DHX38: variants seen among roughly 807,000 people sequenced by gnomAD.
DHX38 encodes the protein DEAH-box helicase 38, also known as pre-mRNA-splicing factor ATP-dependent RNA helicase PRP16.
Under a neutral mutation model 153.1 loss-of-function variants are expected in DHX38, and 100 were observed. The ratio of observed to expected loss-of-function variants is 0.65; its 90% CI spans 0.56 to 0.77. DHX38 has a LOEUF of 0.77. Ranked by LOEUF, DHX38 falls within the 30% of genes least tolerant of loss-of-function variation. The pLI is 0.00. For synonymous variants in DHX38, 650 were observed against 631.7 expected, an observed-to-expected ratio of 1.03 and a Z score of -0.43; for missense variants, 1,440 against 1,654.0, an observed-to-expected ratio of 0.87 and a Z score of 2.24.
At chr16:72,099,127 C>T in intron 6 of DHX38, 77 bp from the exon 7 acceptor site, 1 of 1,594,488 alleles carries the variant, frequency 6.3e-7, no homozygotes, top group Non-Finnish European at 8.6e-7. Context: ...TCTGGAGCTG[C>T]ATGGCCCTGC....
In DHX38 at chr16:72,099,690, T is replaced by C. The variant is rs765148055; in HGVS notation, c.961-42T>C. The stretch of plus-strand genomic sequence containing the variant: ...GTTGGCCATGTCTCGTGCATAAACT[T>C]GATCTGTCCCTCACTCCCTTGCTTT... On this transcript the variant is annotated intron_variant, in intron 7 of 26. Coordinates refer to ENST00000268482, the MANE Select transcript of DHX38 (RefSeq NM_014003.4). 1.9e-6 allele frequency: 3 copies of C among 1,609,450 alleles called. No individual in the cohort carries two copies. In the Admixed American group the frequency reaches 5.0e-5, roughly 27 times the overall value.
chr16:72,110,965 C>A lies in DHX38; in HGVS notation c.3487C>A (p.Arg1163Ser). The A allele has an allele frequency of 6.3e-7, 1 of 1,587,640 alleles. No individual in the cohort carries two copies. The highest frequency in any genetic ancestry group is 1.1e-5 in the South Asian group (1 of 87,052). ...TGTCCCTCTTCAATAGGAGAACCGT[C>A]GTCGGGCCAAAGAGGAAGCCTCTGC... is the stretch of plus-strand genomic sequence containing the variant. ...QAGKSRQENR[R>S]RAKEEASAME... The change falls in exon 26 of 27, where the codon CGT becomes AGT. Residue 1163 changes from arginine (R) to serine (S), a missense_variant. Physicochemically the swap from Arg to Ser is moderately radical, Grantham distance 110. Transcript: ENST00000268482.
intron 7 of DHX38, 26 bp from the exon 8 acceptor site, chr16:72,099,706 C>G (rs1269931617): frequency 7.4e-6 from 12 of 1,613,202 alleles, no homozygotes; most frequent in Non-Finnish European, 1.0e-5. Flanking sequence ...GTCCCTCACT[C>G]CCTTGCTTTG....
chr16:72,104,057 T>C lies in DHX38; in HGVS notation c.1936T>C (p.Tyr646His). The C allele has an allele frequency of 6.2e-7, 1 of 1,614,194 alleles. No homozygotes were observed. The highest frequency in any genetic ancestry group is 1.1e-5 in the South Asian group (1 of 91,080). ...ESLREADLDH[Y>H]SAIIMDEAHE... ...CCTCCGGGAAGCCGACCTGGATCAC[T>C]ACAGTGCCATCATCATGGACGAGGC... The change falls in exon 14 of 27, where the codon TAC (tyrosine) becomes CAC (histidine). Residue 646 changes from tyrosine to histidine, a missense_variant. Transcript: ENST00000268482. This position sits in a 1 kb window ranked among gnomAD's most constrained non-coding sequence, Gnocchi z 4.5.
chr16:72,110,312 C>T (rs1371999524), intron 25 of DHX38, among the ~76,000 whole-genome samples: 1 of 152,240 alleles, frequency 6.6e-6, no homozygotes, highest in Admixed American at 6.5e-5. Flanking sequence ...CAATTAGATC[C>T]CGGCTGAGCT....
Position 72,109,515 on chromosome 16 carries a change from G to A in DHX38, c.3477+5G>A, listed in dbSNP as rs17666927. 29,196 of 1,610,152 alleles carry A rather than the reference G, an allele frequency of 0.018. 324 individuals are homozygous for A. Among genetic ancestry groups the A allele is most frequent in the Non-Finnish European group, 0.022 (26,226 of 1,178,480 alleles). ...CAGGCGGGCAAGTCACGGCAGGTGA[G>A]GATTCTGTGCTCTTCGCAGGGGTGC... On this transcript the variant is annotated splice_donor_5th_base_variant and intron_variant, in intron 25 of 26. Coordinates refer to ENST00000268482, the MANE Select transcript of DHX38 (RefSeq NM_014003.4).
Position 72,099,742 on chromosome 16 carries a change from G to A in DHX38, c.971G>A (p.Arg324Gln), listed in dbSNP as rs766053952. 1.2e-6 allele frequency: 2 copies of A among 1,614,098 alleles called. No individual in the cohort carries two copies. The highest frequency in any genetic ancestry group is 1.7e-5 in the Admixed American group (1 of 60,016). The change falls in exon 8 of 27, where the codon CGG becomes CAG. Residue 324 changes from arginine (R) to glutamine (Q), a missense_variant. Physicochemically the swap from Arg to Gln is conservative, Grantham distance 43. Around this residue, in one of 6 missense-constraint regions of DHX38, gnomAD observed 483 missense variants for 465.1 expected, o/e 1.04. Transcript: ENST00000268482. ...CCTCCTGCCCTGCAGCAAGCCGATC[G>A]GGATTGGTACATGATGGACGAGGGC... is the stretch of plus-strand genomic sequence containing the variant. Reference protein sequence around the residue: ...QWEDDQRQADRDWYMMDEGYD... With the variant: ...QWEDDQRQADQDWYMMDEGYD...
chr16:72,102,363 A>G (rs1390322486), intron 11 of DHX38, among the ~76,000 whole-genome samples: 1 of 151,908 alleles, frequency 6.6e-6, no homozygotes, highest in Non-Finnish European at 1.5e-5. Flanking sequence ...AGCTCAGCAG[A>G]GCATGGGGCG....
Position 72,104,708 on chromosome 16 carries a change from G to A in DHX38, c.2151+82G>A. ...CGAAGCCGGCTGGAGGGTGGAGGGT[G>A]GGTAGGGGACTGGGTTGGAGAAGAT... On this transcript the variant is annotated intron_variant, in intron 15 of 26. Coordinates refer to ENST00000268482, the MANE Select transcript of DHX38 (RefSeq NM_014003.4). The surrounding 1 kb of genome is among the most constrained non-coding windows in gnomAD (Gnocchi z 4.5). The A allele has an allele frequency of 1.3e-6, 2 of 1,586,050 alleles. No homozygotes were observed. The highest frequency in any genetic ancestry group is 1.7e-6 in the Non-Finnish European group (2 of 1,163,956).
intron 25 of DHX38, among the ~76,000 whole-genome samples, chr16:72,110,136 C>G (rs1364084321): frequency 6.6e-6 from 1 of 152,230 alleles, no homozygotes; most frequent in East Asian, 1.9e-4. Context: ...AGAACAGGCT[C>G]CACCCCACGC....
At chr16:72,097,843 T>G (rs1374325761) in intron 4 of DHX38, 62 bp downstream of exon 4, 3 of 585,688 alleles carry the variant, frequency 5.1e-6, no homozygotes, top group Non-Finnish European at 6.7e-6. Context: ...AGTGAGTGAC[T>G]CTCGTCTTCA....
At chr16:72,110,096 A>G (rs975729292) in intron 25 of DHX38, among the ~76,000 whole-genome samples, 2 of 152,216 alleles carry the variant, frequency 1.3e-5, no homozygotes, top group Admixed American at 6.5e-5. Context: ...AGGCATTGCA[A>G]CTGCTTATGT....
intron 3 of DHX38, 47 bp from the exon 4 acceptor site, chr16:72,097,630 C>A: frequency 6.4e-7 from 1 of 1,573,324 alleles, no homozygotes; most frequent in Non-Finnish European, 8.7e-7. Flanking sequence ...GATGTGTATA[C>A]CTTAGGATGG....
At chr16:72,099,668 G>C in intron 7 of DHX38, 64 bp from the exon 8 acceptor site, 2 of 1,592,518 alleles carry the variant, frequency 1.3e-6, no homozygotes, top group Non-Finnish European at 1.7e-6. Context: ...TTCTTCTGTT[G>C]GCCATGTCTC....
Position 72,105,301 on chromosome 16 carries a change from A to G in DHX38, c.2332A>G (p.Ile778Val), listed in dbSNP as rs768701016. ...ENAPALAVLP[I>V]YSQLPSDLQA... ...CGCGCCTGCCCTGGCTGTGCTGCCC[A>G]TCTACTCTCAGCTGCCTTCTGACCT... Residue 778 changes from isoleucine to valine, a missense_variant, in exon 17 of 27, where the codon ATC (isoleucine) becomes GTC (valine). Transcript: ENST00000268482. 4.3e-6 allele frequency: 7 copies of G among 1,614,058 alleles called. No individual in the cohort carries two copies. The Admixed American group carries it at 5.0e-5, about 12-fold the overall frequency.
In DHX38 at chr16:72,107,611, C is replaced by G. The variant is rs764786950; in HGVS notation, c.2810-34C>G. On this transcript the variant is annotated intron_variant, in intron 20 of 26. Transcript: ENST00000268482. The surrounding 1 kb of genome is among the most constrained non-coding windows in gnomAD (Gnocchi z 5.3). Reference sequence around the variant, plus strand: ...TGACTTCCTTCTTTCCTCTACTGTCCCGTCAAATATCCGGGTTTGCTCATC... The same window carrying G: ...TGACTTCCTTCTTTCCTCTACTGTCGCGTCAAATATCCGGGTTTGCTCATC... 9.3e-6 allele frequency: 15 copies of G among 1,610,700 alleles called. No individual in the cohort carries two copies. Among genetic ancestry groups the G allele is most frequent in the Middle Eastern group, 1.6e-4 (1 of 6,074 alleles).
intron 1 of DHX38, 74 bp downstream of exon 1, chr16:72,094,125 C>A (rs921854408): frequency 6.5e-6 from 1 of 152,692 alleles, no homozygotes; most frequent in Admixed American, 6.5e-5. Flanking sequence ...TATTGGTCCC[C>A]TGCTCAGGTC....
intron 8 of DHX38, 119 bp from the exon 9 acceptor site, chr16:72,100,317 A>T: frequency 7.4e-7 from 1 of 1,343,882 alleles, no homozygotes; most frequent in Non-Finnish European, 1.0e-6. Context: ...GAGGCCTGTG[A>T]CATCTTTGCA....
At chr16:72,111,177 A>C (rs1597450652) in intron 26 of DHX38, 100 bp downstream of exon 26, 2 of 1,425,402 alleles carry the variant, frequency 1.4e-6, no homozygotes, top group South Asian at 1.5e-5. Context: ...GGGAAGGTGC[A>C]TGTGTGAAGG....
Sources: allele counts gnomAD v4.1 joint callset (sites outside exome capture counted in the v4.1 genomes callset), GRCh38; gene constraint gnomAD v4.1.1; regional missense constraint gnomAD v4.1.1; non-coding constraint Gnocchi (gnomAD v3.1); transcripts MANE v1.5; gene names NCBI Gene and HGNC (gene_info 2026-07-23, HGNC 2026-07-21).